Variants in PHLPP1 observed in about 807,000 individuals in gnomAD.
PHLPP1 encodes the protein PH domain leucine-rich repeat-containing protein phosphatase 1.
Under a neutral mutation model 117.2 loss-of-function variants are expected in PHLPP1, and 42 were observed. The ratio of observed to expected loss-of-function variants is 0.36; its 90% CI spans 0.28 to 0.46. The LOEUF is 0.46. Ranked by LOEUF, PHLPP1 falls within the 20% of genes least tolerant of loss-of-function variation. The pLI is 1.00. For synonymous variants in PHLPP1, 1,042 were observed against 970.7 expected (o/e 1.07, Z -1.37); for missense variants, 2,084 against 2,241.9 (o/e 0.93, Z 1.42).
intron 14 of PHLPP1, 76 bp from the exon 15 acceptor site, chr18:62,972,438 T>A: frequency 7.4e-7 from 1 of 1,344,392 alleles, no homozygotes; most frequent in South Asian, 1.4e-5. Context: ...GTTAGGAAAA[T>A]CTTGAAATAA....
intron 1 of PHLPP1, among the ~76,000 whole-genome samples, chr18:62,804,388 A>G (rs2144304040): frequency 6.6e-6 from 1 of 151,832 alleles, no homozygotes. Context: ...TAGTTTTTTT[A>G]TTCATTTTTT....
At chr18:62,770,202 C>G (rs1004430563) in intron 1 of PHLPP1, among the ~76,000 whole-genome samples, 21 of 152,180 alleles carry the variant, frequency 1.4e-4, no homozygotes, top group Non-Finnish European at 7.3e-5. Flanking sequence ...CCTCCGCCTC[C>G]TGGTTTCAAG....
chr18:62,789,980 T>A (rs1390569410), intron 1 of PHLPP1, among the ~76,000 whole-genome samples: 1 of 152,250 alleles, frequency 6.6e-6, no homozygotes, highest in Non-Finnish European at 1.5e-5. Context: ...TTCCAGCTAA[T>A]TTTTAAAGAT....
In PHLPP1 at chr18:62,978,933, C is replaced by T. The variant is rs745929592; in HGVS notation, c.4656C>T (p.Pro1552=). The change falls in exon 17 of 17, where the codon CCC becomes CCT. Residue 1552 remains proline, a synonymous_variant. Transcript: ENST00000262719. This position sits in a 1 kb window ranked among gnomAD's most constrained non-coding sequence, Gnocchi z 7.0. ...GCCTTGACAGTGACGATGAGGAGCC[C>T]ATCGAGGGCGTCTTCACCAACGGCA... ...DNGLDSDDEE[P]IEGVFTNGSR... The T allele has an allele frequency of 3.1e-6, 5 of 1,608,610 alleles. No individual in the cohort carries two copies. The South Asian group carries it at 5.6e-5, about 18-fold the overall frequency.
At chr18:62,847,072 A>G (rs758789356) in intron 3 of PHLPP1, among the ~76,000 whole-genome samples, 61 of 152,350 alleles carry the variant, frequency 4.0e-4, no homozygotes, top group Admixed American at 8.5e-4. Flanking sequence ...AACAAATGGC[A>G]AAGATACCTA....
At chr18:62,928,726 CA>C (rs1555682458) in intron 10 of PHLPP1, among the ~76,000 whole-genome samples, 1 of 152,108 alleles carries the variant, frequency 6.6e-6, no homozygotes, top group Non-Finnish European at 1.5e-5. Context: ...CAACATTATT[CA>C]TAACAACTGG....
intron 13 of PHLPP1, among the ~76,000 whole-genome samples, chr18:62,961,428 A>T (rs1338068615): frequency 6.6e-6 from 1 of 152,166 alleles, no homozygotes; most frequent in African/African-American, 2.4e-5. Context: ...TGTGCTGGGG[A>T]GAGGGGGCAG....
At chr18:62,780,274 T>G (rs1188092082) in intron 1 of PHLPP1, among the ~76,000 whole-genome samples, 1 of 152,208 alleles carries the variant, frequency 6.6e-6, no homozygotes, top group Admixed American at 6.5e-5. Context: ...TGTTAGTGGC[T>G]GCAATAAGAA....
At chr18:62,869,376 A>G (rs1160016621) in intron 4 of PHLPP1, among the ~76,000 whole-genome samples, 1 of 152,210 alleles carries the variant, frequency 6.6e-6, no homozygotes, top group African/African-American at 2.4e-5. Flanking sequence ...AAAAACATAG[A>G]AAAGGCAGAT....
chr18:62,829,190 T>C (rs1381324772), intron 1 of PHLPP1, among the ~76,000 whole-genome samples: 2 of 152,202 alleles, frequency 1.3e-5, no homozygotes, highest in Non-Finnish European at 2.9e-5. Context: ...GGATAGTATT[T>C]CTAATAGGAA....
chr18:62,934,275 T>C (rs767702809), intron 10 of PHLPP1, among the ~76,000 whole-genome samples: 3 of 152,194 alleles, frequency 2.0e-5, no homozygotes, highest in South Asian at 2.1e-4. Flanking sequence ...TGCACTCATA[T>C]GTTTATTGCA....
intron 13 of PHLPP1, among the ~76,000 whole-genome samples, chr18:62,962,991 C>G (rs1405236213): frequency 6.6e-6 from 1 of 152,132 alleles, no homozygotes; most frequent in Non-Finnish European, 1.5e-5. Context: ...TGTTGTTGTT[C>G]TTTCTGAGTA....
intron 1 of PHLPP1, chr18:62,826,326 AT>A: frequency 2.7e-6 from 1 of 367,770 alleles, no homozygotes; most frequent in Non-Finnish European, 5.4e-6. Context: ...GGAATGACTT[AT>A]TTTATTATTT....
At chr18:62,774,384 G>A (rs745639000) in intron 1 of PHLPP1, among the ~76,000 whole-genome samples, 44 of 152,052 alleles carry the variant, frequency 2.9e-4, no homozygotes, top group African/African-American at 6.3e-4. Context: ...CTGCCAATTG[G>A]GTTTTTGACC....
chr18:62,974,253 A>G (rs1325447311), intron 15 of PHLPP1, among the ~76,000 whole-genome samples: 1 of 152,194 alleles, frequency 6.6e-6, no homozygotes, highest in East Asian at 1.9e-4. Context: ...TTAGGAACCT[A>G]AACTATAGGC....
chr18:62,970,063 ATT>A (rs905271094), intron 14 of PHLPP1, among the ~76,000 whole-genome samples: 3 of 151,180 alleles, frequency 2.0e-5, no homozygotes, highest in Non-Finnish European at 4.4e-5. Flanking sequence ...CTTTTGGATT[ATT>A]TGTTATGATT....
intron 8 of PHLPP1, among the ~76,000 whole-genome samples, chr18:62,913,735 CTCTCTTTTTTTTT>C (rs1449824146): frequency 2.1e-4 from 24 of 113,812 alleles, no homozygotes; most frequent in African/African-American, 7.6e-4. Context: ...AGTTCTCTCT[CTCTCTTTTTTTTT>C]TTTTTTTTTT....
At chr18:62,921,071 T>C (rs1568162215) in intron 10 of PHLPP1, among the ~76,000 whole-genome samples, 1 of 152,220 alleles carries the variant, frequency 6.6e-6, no homozygotes, top group Admixed American at 6.5e-5. Flanking sequence ...ATACAGAATT[T>C]TCTTTAAAGA....
At chr18:62,739,557 A>G (rs926863045) in intron 1 of PHLPP1, among the ~76,000 whole-genome samples, 1 of 152,214 alleles carries the variant, frequency 6.6e-6, no homozygotes, top group Non-Finnish European at 1.5e-5. Flanking sequence ...AGAAGAGAAG[A>G]GGCCCTGAAG....
Sources: gnomAD v4.1 joint callset for allele counts (sites outside exome capture counted in the v4.1 genomes callset) on GRCh38, gnomAD v4.1.1 for gene constraint, Gnocchi (gnomAD v3.1) non-coding constraint, MANE v1.5 for transcripts, NCBI Gene and HGNC (gene_info 2026-07-23, HGNC 2026-07-21) for gene names.